MARCO: variants seen among roughly 807,000 people sequenced by gnomAD.
MARCO encodes the protein macrophage receptor MARCO.
A neutral mutation model predicts 70.0 loss-of-function variants in MARCO; 72 were observed. The ratio of observed to expected loss-of-function variants is 1.03; its 90% CI spans 0.85 to 1.25. MARCO has a LOEUF of 1.25. Among genes scored for constraint, MARCO ranks in the 50% most tolerant of loss-of-function variants. MARCO has a pLI of 0.00. For missense variants in MARCO, 696 were observed against 659.3 expected (o/e 1.06, Z -0.61); for synonymous variants, 273 against 243.1 (o/e 1.12, Z -1.14).
At chr2:118,969,135 T>G (rs374237109) in intron 1 of MARCO, 25 bp from the exon 2 acceptor site, 7 of 1,542,086 alleles carry the variant, frequency 4.5e-6, no homozygotes, top group Middle Eastern at 3.4e-4. Context: ...TGCAGCAGCC[T>G]CCTTCCTCCT....
chr2:118,975,115 C>T (rs1346089673), intron 6 of MARCO, among the ~76,000 whole-genome samples: 2 of 152,246 alleles, frequency 1.3e-5, no homozygotes, highest in Non-Finnish European at 2.9e-5. Flanking sequence ...TAGACTGTTG[C>T]CTAATTCTGC....
chr2:118,976,622 C>T (rs1211983263), intron 6 of MARCO, among the ~76,000 whole-genome samples: 1 of 152,178 alleles, frequency 6.6e-6, no homozygotes, highest in East Asian at 1.9e-4. Context: ...ATCACCGTTT[C>T]TCAATTCCAA....
chr2:118,986,683 A>AAGAAAGAAAGAAAGAT (rs1680508871), intron 12 of MARCO, among the ~76,000 whole-genome samples: 1 of 62,024 alleles, frequency 1.6e-5, no homozygotes, highest in Admixed American at 1.6e-4. Flanking sequence ...GAAAGAAAGA[A>AAGAAAGAAAGAAAGAT]AGAAAGAAAG....
At chr2:118,986,706 AAAG>A (rs1680517836) in intron 12 of MARCO, among the ~76,000 whole-genome samples, 1 of 103,010 alleles carries the variant, frequency 9.7e-6, no homozygotes, top group Admixed American at 9.1e-5. Context: ...AGAAAGAAAG[AAAG>A]AAAGAAAGAA....
chr2:118,973,582 C>T (rs1410653069), intron 4 of MARCO, among the ~76,000 whole-genome samples: 1 of 152,182 alleles, frequency 6.6e-6, no homozygotes, highest in African/African-American at 2.4e-5. Context: ...CATGGCTTGC[C>T]TTGCCTGGTC....
intron 16 of MARCO, among the ~76,000 whole-genome samples, chr2:118,993,834 A>T (rs187131961): frequency 6.6e-6 from 1 of 152,210 alleles, no homozygotes; most frequent in Admixed American, 6.5e-5. Context: ...GACTCAGCCT[A>T]TATCTTTCAG....
At chr2:118,981,599 TA>T in intron 9 of MARCO, 21 bp from the exon 10 acceptor site, 3 of 1,610,940 alleles carry the variant, frequency 1.9e-6, no homozygotes, top group Non-Finnish European at 2.5e-6. Flanking sequence ...AAAAAATTCC[TA>T]AAAGTTCTTT....
Position 118,986,644 on chromosome 2 carries a change from AGAAAGAAAGAAGGAAGGAAGGAAG to A in MARCO, c.1064-3941_1064-3918del, listed in dbSNP as rs1680498601. 9.3e-5 allele frequency among the ~76,000 whole-genome samples: 4 copies of A among 43,124 alleles called. 1 individual carries two copies. The highest frequency in any genetic ancestry group is 6.6e-4 in the African/African-American group (4 of 6,034). 28.3% of individuals were successfully genotyped at this position (43,124 alleles called of 152,430 possible). ...AAGAAAGAAAGAAAGAAAGAAAGAA[AGAAAGAAAGAAGGAAGGAAGGAAG>A]GAAGGAAAGAAAGAAAGAAAGAAAG... On this transcript the variant is annotated intron_variant, in intron 12 of 16. Transcript: ENST00000327097.
Position 118,958,191 on chromosome 2 carries a change from G to A in MARCO, c.98-10969G>A, listed in dbSNP as rs561773638. On this transcript the variant is annotated intron_variant, in intron 1 of 16. Transcript: ENST00000327097. ...TTAAAAAAAAAGGGCATCCAAATTGGTAAAGAGGAAATCAAACTGTCCCTT... is the reference window on the plus strand; with the variant it reads ...TTAAAAAAAAAGGGCATCCAAATTGATAAAGAGGAAATCAAACTGTCCCTT... 1.6e-4 allele frequency among the ~76,000 whole-genome samples: 25 copies of A among 152,070 alleles called. No homozygotes were observed. The East Asian group carries it at 3.7e-3, about 22-fold the overall frequency.
At chr2:118,958,765 G>A (rs1679884832) in intron 1 of MARCO, among the ~76,000 whole-genome samples, 2 of 152,096 alleles carry the variant, frequency 1.3e-5, no homozygotes, top group Admixed American at 1.3e-4. Flanking sequence ...TATACTATAA[G>A]GCCACAGTCA....
intron 8 of MARCO, among the ~76,000 whole-genome samples, chr2:118,980,767 C>T (rs557500728): frequency 6.6e-6 from 1 of 152,236 alleles, no homozygotes; most frequent in Admixed American, 6.5e-5. Flanking sequence ...CCAGGCAGTC[C>T]ACCCCTAAAC....
At chr2:118,962,394 T>G (rs969171145) in intron 1 of MARCO, among the ~76,000 whole-genome samples, 2 of 152,148 alleles carry the variant, frequency 1.3e-5, no homozygotes, top group African/African-American at 4.8e-5. Context: ...CTGATTTCCT[T>G]GAGCAGCAGT....
intron 1 of MARCO, among the ~76,000 whole-genome samples, chr2:118,966,290 C>T (rs903859391): frequency 3.9e-5 from 6 of 152,322 alleles, no homozygotes; most frequent in South Asian, 4.1e-4. Context: ...CCATACTCAT[C>T]AAGGTTTACT....
At chr2:118,960,351 A>G (rs1679919306) in intron 1 of MARCO, among the ~76,000 whole-genome samples, 1 of 152,134 alleles carries the variant, frequency 6.6e-6, no homozygotes, top group Non-Finnish European at 1.5e-5. Flanking sequence ...TCTTAAGGGA[A>G]AAGTGTCCTG....
intron 1 of MARCO, among the ~76,000 whole-genome samples, chr2:118,958,128 A>G (rs1431277735): frequency 2.0e-5 from 3 of 152,066 alleles, no homozygotes; most frequent in African/African-American, 4.8e-5. Flanking sequence ...CCTCTTCAAC[A>G]TAGTGCTGAA....
chr2:118,991,257 T>G (rs1680616541), intron 13 of MARCO, among the ~76,000 whole-genome samples: 2 of 151,400 alleles, frequency 1.3e-5, no homozygotes, highest in African/African-American at 2.4e-5. Flanking sequence ...TTTATGGTTT[T>G]TTTTTTTTTC....
At position 118,948,580 on chromosome 2, in the gene MARCO, C is replaced by T. The variant is rs193222750; in HGVS notation, c.97+6183C>T. ...ATTCCTCAAAAGAAACCATCATTTC[C>T]AACACTCACAATTTATTCTTCAACA... On this transcript the variant is annotated intron_variant, in intron 1 of 16. Transcript: ENST00000327097. Among the ~76,000 whole-genome samples the T allele has an allele frequency of 1.5e-4, 23 of 152,282 alleles. 1 individual carries two copies. Among genetic ancestry groups the T allele is most frequent in the African/African-American group, 5.5e-4 (23 of 41,568 alleles).
chr2:118,973,505 C>G (rs34524703), intron 4 of MARCO, among the ~76,000 whole-genome samples: 1 of 152,206 alleles, frequency 6.6e-6, no homozygotes, highest in Non-Finnish European at 1.5e-5. Context: ...CGGACACCAC[C>G]TGCCTCTCCA....
chr2:118,961,961 T>C (rs1232183431), intron 1 of MARCO, among the ~76,000 whole-genome samples: 1 of 152,204 alleles, frequency 6.6e-6, no homozygotes, highest in African/African-American at 2.4e-5. Context: ...CCCAGAACCA[T>C]TTATTGAATA....
Sources: gnomAD v4.1 joint callset for allele counts (sites outside exome capture counted in the v4.1 genomes callset) on GRCh38, gnomAD v4.1.1 for gene constraint, MANE v1.5 for transcripts, NCBI Gene and HGNC (gene_info 2026-07-23, HGNC 2026-07-21) for gene names.